The following CPSF2 variants were observed in gnomAD, a reference collection of about 807,000 sequenced individuals.
The protein encoded by CPSF2 is cleavage and polyadenylation specific factor 2.
CPSF2 carries 51 observed loss-of-function variants against 84.2 expected under a neutral mutation model. The observed-to-expected ratio is 0.61, with a 90% CI of 0.48 to 0.77. The LOEUF is 0.77. Among genes scored for constraint, CPSF2 ranks in the 30% least tolerant of loss-of-function variants. CPSF2 has a pLI of 0.00. For missense variants in CPSF2, 641 were observed against 929.4 expected (o/e 0.69, Z 4.03); for synonymous variants, 286 against 311.9 (o/e 0.92, Z 0.87).
intron 9 of CPSF2, among the ~76,000 whole-genome samples, chr14:92,143,987 C>A (rs57490005): frequency 1.1e-4 from 16 of 152,146 alleles, no homozygotes; most frequent in Admixed American, 1.0e-3. Context: ...TATCCTGTAG[C>A]CCCCTGAAGT....
At position 92,157,508 on chromosome 14, in the gene CPSF2, G is replaced by GAAAAAT. The variant is rs1173013252; in HGVS notation, c.1596-145_1596-140dup. 13 of 640,300 alleles carry GAAAAAT rather than the reference G, an allele frequency of 2.0e-5. No homozygotes were observed. Among genetic ancestry groups the GAAAAAT allele is most frequent in the Non-Finnish European group, 3.2e-5 (12 of 374,840 alleles). 39.7% of individuals were successfully genotyped at this position (640,300 alleles called of 1,614,324 possible). On this transcript the variant is annotated intron_variant, in intron 12 of 15. Coordinates refer to ENST00000298875, the MANE Select transcript of CPSF2 (RefSeq NM_017437.3). This position sits in a 1 kb window ranked among gnomAD's most constrained non-coding sequence, Gnocchi z 4.0. The stretch of plus-strand genomic sequence containing the variant: ...GGCAAAAGAGCGAGACCCAATCTCA[G>GAAAAAT]AAAAATAAAAACAAAAATAAAATAA...
At chr14:92,132,651 A>T (rs1462854978) in intron 3 of CPSF2, among the ~76,000 whole-genome samples, 1 of 151,728 alleles carries the variant, frequency 6.6e-6, no homozygotes, top group Non-Finnish European at 1.5e-5. Context: ...GCATGCCTGT[A>T]ATCCCAGCTA....
intron 6 of CPSF2, among the ~76,000 whole-genome samples, chr14:92,137,418 AG>A (rs1376559005): frequency 6.6e-6 from 1 of 152,122 alleles, no homozygotes; most frequent in Non-Finnish European, 1.5e-5. Flanking sequence ...CATGCTGCCC[AG>A]GCTGGTCTTG....
chr14:92,135,544 T>C, intron 6 of CPSF2, 48 bp downstream of exon 6: 1 of 1,525,334 alleles, frequency 6.6e-7, no homozygotes, highest in South Asian at 1.3e-5. Flanking sequence ...TGGTATTATT[T>C]TATTCTTTGG....
At chr14:92,137,502 C>G (rs552730208) in intron 6 of CPSF2, among the ~76,000 whole-genome samples, 1 of 152,318 alleles carries the variant, frequency 6.6e-6, no homozygotes, top group African/African-American at 2.4e-5. Flanking sequence ...AGCCACTGCA[C>G]TAGTCCAAAA....
Position 92,155,301 on chromosome 14 carries a change from G to A in CPSF2, c.1420G>A (p.Asp474Asn), listed in dbSNP as rs764971357. The change falls in exon 11 of 16, where the codon GAT (aspartate) becomes AAT (asparagine). Residue 474 changes from aspartate (D) to asparagine (N), a missense_variant. Around this residue, in one of 2 missense-constraint regions of CPSF2, gnomAD observed 430 missense variants for 553.6 expected, o/e 0.78. Transcript: ENST00000298875. ...FPAPEERIKW[D>N]EYGEIIKPED... is the part of the protein sequence containing the mutation. The stretch of plus-strand genomic sequence containing the variant: ...TGCCCCAGAAGAAAGAATTAAATGG[G>A]ATGAATATGGAGAGATTATCAAGTA... 2 of 1,613,918 alleles carry A rather than the reference G, an allele frequency of 1.2e-6. No individual in the cohort carries two copies.
At chr14:92,131,642 C>G (rs763181742) in intron 3 of CPSF2, among the ~76,000 whole-genome samples, 4 of 151,940 alleles carry the variant, frequency 2.6e-5, no homozygotes, top group Non-Finnish European at 5.9e-5. Context: ...AGTTCGAGAC[C>G]AGCCTGGCCA....
chr14:92,171,444 C>G lies in CPSF2; in HGVS notation c.*9700C>G, dbSNP rs1280148205. ...AAGATTTGACTAGCGAGAGCACTTT[C>G]CAGCTAGCTCCTGTGTCCTTTGGAC... is the stretch of plus-strand genomic sequence containing the variant. On this transcript the variant is annotated 3_prime_UTR_variant, in exon 16 of 16. Transcript: ENST00000298875. The G allele has an allele frequency of 1.3e-5, 2 of 152,208 alleles. No individual in the cohort carries two copies. The highest frequency in any genetic ancestry group is 1.3e-4 in the Admixed American group (2 of 15,270). 9.4% of individuals were successfully genotyped at this position (152,208 alleles called of 1,614,324 possible). A position where few individuals can be genotyped will look rare whatever the true frequency, so the allele number is the denominator to read the frequency against.
chr14:92,158,104 G>A (rs1425118111), intron 13 of CPSF2, among the ~76,000 whole-genome samples: 1 of 152,102 alleles, frequency 6.6e-6, no homozygotes, highest in African/African-American at 2.4e-5. Context: ...GTATCAAGAG[G>A]GGAAACCACC....
chr14:92,154,859 G>A (rs2069268269), intron 10 of CPSF2, among the ~76,000 whole-genome samples: 2 of 152,158 alleles, frequency 1.3e-5, no homozygotes, highest in Non-Finnish European at 2.9e-5. Context: ...TGTACAGCAT[G>A]TTACTGTACT....
chr14:92,137,976 A>G (rs997282815), intron 6 of CPSF2, among the ~76,000 whole-genome samples: 16 of 152,212 alleles, frequency 1.1e-4, no homozygotes, highest in Admixed American at 2.0e-4. Flanking sequence ...TGTGCATAGA[A>G]AAACTTATAT....
Position 92,143,305 on chromosome 14 carries a change from G to A in CPSF2, c.1140+11G>A, listed in dbSNP as rs1450787004. On this transcript the variant is annotated intron_variant, in intron 9 of 15. Coordinates refer to ENST00000298875, the MANE Select transcript of CPSF2 (RefSeq NM_017437.3). ...ATTACAGAAATAGAGGTAAGCACTTGTATGTGAACTTTATCTTAAAACTGT... is the reference window on the plus strand; with the variant it reads ...ATTACAGAAATAGAGGTAAGCACTTATATGTGAACTTTATCTTAAAACTGT... 5 of 1,542,908 alleles carry A rather than the reference G, an allele frequency of 3.2e-6. No individual in the cohort carries two copies. Among genetic ancestry groups the A allele is most frequent in the African/African-American group, 2.8e-5 (2 of 72,580 alleles).
intron 2 of CPSF2, among the ~76,000 whole-genome samples, chr14:92,126,398 TTAATA>T (rs1310784563): frequency 2.6e-5 from 4 of 152,246 alleles, no homozygotes; most frequent in African/African-American, 9.6e-5. Flanking sequence ...CCTTAGGCCA[TTAATA>T]TAATTGTGGT....
rs748820991 is a variant in CPSF2, at chr14:92,154,476, A to G, written c.1241+18A>G. The stretch of plus-strand genomic sequence containing the variant: ...TCAAAAGAGTGAGTCATTTTCAGAC[A>G]GATTATAAATTTATGGATGCAATTT... On this transcript the variant is annotated intron_variant, in intron 10 of 15. Transcript: ENST00000298875. 1 of 1,512,956 alleles carries G rather than the reference A, an allele frequency of 6.6e-7. No individual in the cohort carries two copies. Among genetic ancestry groups the G allele is most frequent in the Admixed American group, 2.0e-5 (1 of 49,144 alleles). 93.7% of individuals were successfully genotyped at this position (1,512,956 alleles called of 1,614,324 possible).
In CPSF2 at chr14:92,161,093, C is replaced by T. The variant is rs2069365386; in HGVS notation, c.2122-19C>T. 2 of 1,609,722 alleles carry T rather than the reference C, an allele frequency of 1.2e-6. No homozygotes were observed. Among genetic ancestry groups the T allele is most frequent in the South Asian group, 2.2e-5 (2 of 90,400 alleles). Reference sequence around the variant, plus strand: ...GTGTTTTACTTGAAGTTATTCTTTCCCCTTTGACCTTATCTAAGGTTCCTG... The same window carrying T: ...GTGTTTTACTTGAAGTTATTCTTTCTCCTTTGACCTTATCTAAGGTTCCTG... On this transcript the variant is annotated intron_variant, in intron 14 of 15. Transcript: ENST00000298875.
chr14:92,122,008 G>C lies in CPSF2; in HGVS notation c.-214G>C. 2 of 633,870 alleles carry C rather than the reference G, an allele frequency of 3.2e-6. No individual in the cohort carries two copies. The highest frequency in any genetic ancestry group is 5.5e-6 in the Non-Finnish European group (2 of 365,594). The allele number at this position is 633,870 out of a possible 1,614,324, so 39.3% of individuals were successfully genotyped here. A position where few individuals can be genotyped will look rare whatever the true frequency, so the allele number is the denominator to read the frequency against. ...CCAAAATGGCGGCTGCCACTGTGGG[G>C]CTTCTGCCGGCCGGTAGTCCCTGGC... On this transcript the variant is annotated 5_prime_UTR_variant, in exon 1 of 16. Coordinates refer to ENST00000298875, the MANE Select transcript of CPSF2 (RefSeq NM_017437.3).
In CPSF2 at chr14:92,157,768, G is replaced by C. The variant is rs1156444545; in HGVS notation, c.1705G>C (p.Glu569Gln). Residue 569 changes from glutamate to glutamine, a missense_variant, in exon 13 of 16, where the codon GAG becomes CAG. Transcript: ENST00000298875. The surrounding 1 kb of genome is among the most constrained non-coding windows in gnomAD (Gnocchi z 4.0). ...RQLIIVHGPP[E>Q]ASQDLAECCR... is the part of the protein sequence containing the mutation. ...GTTGATCATCGTCCATGGCCCACCAGAGGCCAGTCAAGATCTGGCAGAGTG... is the reference window on the plus strand; with the variant it reads ...GTTGATCATCGTCCATGGCCCACCACAGGCCAGTCAAGATCTGGCAGAGTG... 6.2e-7 allele frequency: 1 copy of C among 1,613,650 alleles called. No homozygotes were observed. The highest frequency in any genetic ancestry group is 1.3e-5 in the African/African-American group (1 of 74,908).
At chr14:92,137,890 T>A (rs2069020786) in intron 6 of CPSF2, among the ~76,000 whole-genome samples, 1 of 152,128 alleles carries the variant, frequency 6.6e-6, no homozygotes, top group Non-Finnish European at 1.5e-5. Flanking sequence ...ATATGGGATA[T>A]CAGCTTTGTA....
At chr14:92,149,006 T>C (rs571564999) in intron 9 of CPSF2, among the ~76,000 whole-genome samples, 25 of 152,296 alleles carry the variant, frequency 1.6e-4, no homozygotes, top group Admixed American at 3.3e-4. Context: ...GTACATTGTA[T>C]ATGTGTGCTG....
Sources: allele counts gnomAD v4.1 joint callset (sites outside exome capture counted in the v4.1 genomes callset), GRCh38; gene constraint gnomAD v4.1.1; regional missense constraint gnomAD v4.1.1; non-coding constraint Gnocchi (gnomAD v3.1); transcripts MANE v1.5; gene names NCBI Gene and HGNC (gene_info 2026-07-23, HGNC 2026-07-21).